Variants in PKN2 observed in about 807,000 individuals in gnomAD.
PKN2 encodes serine/threonine-protein kinase N2.
In PKN2, 38 loss-of-function variants were observed where a neutral mutation model predicts 119.1. The ratio of observed to expected loss-of-function variants is 0.32; its 90% CI spans 0.25 to 0.42. PKN2 has a LOEUF of 0.42. Among genes scored for constraint, PKN2 ranks in the 10% least tolerant of loss-of-function variants. The pLI is 1.00. For synonymous variants in PKN2, 390 were observed against 384.9 expected, an observed-to-expected ratio of 1.01 and a Z score of -0.15; for missense variants, 850 against 1,165.1, an observed-to-expected ratio of 0.73 and a Z score of 3.94.
At chr1:88,822,579 CTTT>C (rs1248235815) in intron 17 of PKN2, among the ~76,000 whole-genome samples, 9 of 135,076 alleles carry the variant, frequency 6.7e-5, no homozygotes, top group Admixed American at 1.5e-4. Context: ...ATTATTTAAG[CTTT>C]TTTTTTTTTT....
chr1:88,790,613 T>G (rs1670789658), intron 8 of PKN2, among the ~76,000 whole-genome samples: 1 of 152,202 alleles, frequency 6.6e-6, no homozygotes, highest in South Asian at 2.1e-4. Flanking sequence ...TTATCTTTTT[T>G]TCCCCGGGAT....
At chr1:88,739,589 C>T (rs1668495667) in intron 1 of PKN2, among the ~76,000 whole-genome samples, 1 of 152,190 alleles carries the variant, frequency 6.6e-6, no homozygotes, top group Admixed American at 6.5e-5. Flanking sequence ...AAAGGCTGCA[C>T]AGTGTGTCTT....
At chr1:88,829,914 G>A (rs979082725) in intron 19 of PKN2, among the ~76,000 whole-genome samples, 2 of 152,078 alleles carry the variant, frequency 1.3e-5, no homozygotes, top group African/African-American at 2.4e-5. Context: ...TTTTAGTTTC[G>A]CCGGATGGAT....
In PKN2 at chr1:88,793,777, C is replaced by T. The variant is rs77756227; in HGVS notation, c.1281+7564C>T. On this transcript the variant is annotated intron_variant, in intron 8 of 21. Coordinates refer to ENST00000370521, the MANE Select transcript of PKN2 (RefSeq NM_006256.4). ...ATCATCTCTACAGTAATTATAATAC[C>T]CAGTGCAATGTAAATGCTATATAAA... Among the ~76,000 whole-genome samples, 1,514 of 152,100 alleles carry T rather than the reference C, an allele frequency of 1.0e-2. 22 individuals carry two copies. The highest frequency in any genetic ancestry group is 0.035 in the African/African-American group (1,431 of 41,464).
chr1:88,789,662 C>CATAATAATA (rs10573546), intron 8 of PKN2, among the ~76,000 whole-genome samples: 4,626 of 146,426 alleles, frequency 0.032, 88 homozygotes, highest in African/African-American at 0.046. Flanking sequence ...GACTCTATCT[C>CATAATAATA]ATAATAATAA....
chr1:88,818,005 G>A (rs1213627933), intron 16 of PKN2, among the ~76,000 whole-genome samples: 2 of 152,168 alleles, frequency 1.3e-5, no homozygotes, highest in South Asian at 4.1e-4. Flanking sequence ...TCCTTAAGCT[G>A]ATAAGCAACT....
At chr1:88,825,118 A>G (rs1019933735) in intron 18 of PKN2, among the ~76,000 whole-genome samples, 3 of 152,196 alleles carry the variant, frequency 2.0e-5, no homozygotes. Flanking sequence ...GTATTCAGTA[A>G]GTGTTTGATT....
chr1:88,742,668 A>G (rs1048112591), intron 2 of PKN2, among the ~76,000 whole-genome samples: 2 of 152,136 alleles, frequency 1.3e-5, no homozygotes, highest in African/African-American at 4.8e-5. Context: ...AATATTATAT[A>G]AACTTAGAAA....
chr1:88,762,249 G>C (rs1361326714), intron 3 of PKN2, among the ~76,000 whole-genome samples: 1 of 152,182 alleles, frequency 6.6e-6, no homozygotes, highest in Non-Finnish European at 1.5e-5. Context: ...AACAACCACA[G>C]ATCCAAAGTG....
intron 6 of PKN2, among the ~76,000 whole-genome samples, chr1:88,783,863 T>C (rs149490518): frequency 4.3e-4 from 66 of 152,288 alleles, no homozygotes; most frequent in Middle Eastern, 3.4e-3. Context: ...ACTAACAGAA[T>C]GGAAAGATAA....
intron 19 of PKN2, 28 bp downstream of exon 19, chr1:88,828,651 C>T (rs1275417254): frequency 6.4e-7 from 1 of 1,574,040 alleles, no homozygotes; most frequent in Admixed American, 1.7e-5. Context: ...GGTAAGAGAA[C>T]AGAGGAAGGA....
chr1:88,740,580 C>T (rs1171127480), intron 1 of PKN2, among the ~76,000 whole-genome samples: 1 of 152,004 alleles, frequency 6.6e-6, no homozygotes, highest in Non-Finnish European at 1.5e-5. Flanking sequence ...TAAAAGGTGG[C>T]TACTATTATT....
intron 6 of PKN2, among the ~76,000 whole-genome samples, chr1:88,778,718 C>CT (rs773253937): frequency 0.011 from 1,592 of 145,302 alleles, 31 homozygotes; most frequent in African/African-American, 0.035. Context: ...CAAAGATTTT[C>CT]TTTTTTTTTT....
intron 6 of PKN2, among the ~76,000 whole-genome samples, chr1:88,782,494 A>G (rs906629161): frequency 2.0e-5 from 3 of 151,828 alleles, no homozygotes. Context: ...TAATATATGC[A>G]CTGTTCTTTG....
chr1:88,782,427 CTCTT>C (rs756887967), intron 6 of PKN2, among the ~76,000 whole-genome samples: 1 of 151,622 alleles, frequency 6.6e-6, no homozygotes, highest in Non-Finnish European at 1.5e-5. Context: ...TTTCTGCTCT[CTCTT>C]AATGAGGAAT....
rs928401022 is a variant in PKN2 at position 88,684,441 on chromosome 1, G to A, written c.-140G>A. ...CGGAATAAGCCGCGCCTCCAGCAGG[G>A]GCTGCGCCTCCATGAATCCCTAGTT... On this transcript the variant is annotated 5_prime_UTR_variant, in exon 1 of 22. Coordinates refer to ENST00000370521, the MANE Select transcript of PKN2 (RefSeq NM_006256.4). The A allele has an allele frequency of 1.5e-5, 11 of 722,476 alleles. No homozygotes were observed. Among genetic ancestry groups the A allele is most frequent in the Non-Finnish European group, 2.4e-5 (11 of 460,258 alleles). The allele number at this position is 722,476 out of a possible 1,614,324, so 44.8% of individuals were successfully genotyped here.
intron 1 of PKN2, among the ~76,000 whole-genome samples, chr1:88,686,426 G>A (rs1005523085): frequency 1.3e-5 from 2 of 152,054 alleles, no homozygotes; most frequent in East Asian, 3.9e-4. Context: ...GATCAATTTT[G>A]ATAATAACAA....
intron 10 of PKN2, 89 bp downstream of exon 10, chr1:88,805,010 T>C: frequency 1.6e-6 from 1 of 629,154 alleles, no homozygotes; most frequent in Non-Finnish European, 2.8e-6. Flanking sequence ...TCTGTGTGGG[T>C]TTTTTTGTTG....
chr1:88,763,931 G>A (rs192891158), intron 3 of PKN2, among the ~76,000 whole-genome samples: 27 of 152,220 alleles, frequency 1.8e-4, no homozygotes, highest in South Asian at 1.7e-3. Flanking sequence ...ATTCAGTTTG[G>A]CAGTAAAAAT....
Sources: allele counts gnomAD v4.1 joint callset (sites outside exome capture counted in the v4.1 genomes callset), GRCh38; gene constraint gnomAD v4.1.1; transcripts MANE v1.5; gene names NCBI Gene and HGNC (gene_info 2026-07-23, HGNC 2026-07-21).